Variants in TMPRSS15 observed in about 807,000 individuals in gnomAD.
TMPRSS15 encodes transmembrane serine protease 15.
A neutral mutation model predicts 125.3 loss-of-function variants in TMPRSS15; 128 were observed. The observed-to-expected ratio is 1.02, with a 90% CI of 0.89 to 1.18. The LOEUF (loss-of-function observed/expected upper bound fraction) is 1.18, where lower values mean the gene tolerates loss of function less well. TMPRSS15 is among the 50% of genes most tolerant of loss of function. TMPRSS15 has a pLI of 0.00. For missense variants in TMPRSS15, 1,283 were observed against 1,212.7 expected, an observed-to-expected ratio of 1.06 and a Z score of -0.86; for synonymous variants, 446 against 423.2, an observed-to-expected ratio of 1.05 and a Z score of -0.66.
At chr21:18,415,791 T>C (rs1217711480) in intron 1 of TMPRSS15, among the ~76,000 whole-genome samples, 1 of 152,074 alleles carries the variant, frequency 6.6e-6, no homozygotes, top group Non-Finnish European at 1.5e-5. Context: ...CTGGAAGTCT[T>C]AGCCAGAACC....
chr21:18,379,673 G>A lies in TMPRSS15; in HGVS notation c.497-355C>T, dbSNP rs577492213. Among the ~76,000 whole-genome samples, 9 of 152,232 alleles carry A rather than the reference G, an allele frequency of 5.9e-5. No homozygotes were observed. The South Asian group carries it at 1.7e-3, about 28-fold the overall frequency. On this transcript the variant is annotated intron_variant, in intron 4 of 24. Transcript: ENST00000284885. The stretch of plus-strand genomic sequence containing the variant: ...GGTTAATTTGATGTTATATGAAAGA[G>A]AAGCGTGGGATATGCTTAGACCATG...
intron 16 of TMPRSS15, among the ~76,000 whole-genome samples, chr21:18,317,585 C>T (rs751607516): frequency 5.9e-4 from 90 of 152,204 alleles, no homozygotes; most frequent in Admixed American, 1.5e-3. Context: ...ACTGCATAAC[C>T]ACAAGGACCA....
chr21:18,281,646 T>C (rs1166305834), intron 21 of TMPRSS15, among the ~76,000 whole-genome samples: 7 of 152,212 alleles, frequency 4.6e-5, no homozygotes. Flanking sequence ...ATATAATATA[T>C]GGCTAGGTTG....
chr21:18,274,269 T>C (rs1186937105), intron 24 of TMPRSS15, among the ~76,000 whole-genome samples: 2 of 152,224 alleles, frequency 1.3e-5, no homozygotes, highest in Non-Finnish European at 2.9e-5. Flanking sequence ...CTAAGTCACT[T>C]GCCCAAAGTC....
chr21:18,471,025 T>C (rs1247434604), intron 1 of TMPRSS15, among the ~76,000 whole-genome samples: 1 of 151,998 alleles, frequency 6.6e-6, no homozygotes, highest in Non-Finnish European at 1.5e-5. Flanking sequence ...TTACCCATGA[T>C]AGTTGATATA....
At chr21:18,330,854 T>G (rs565081220) in intron 14 of TMPRSS15, among the ~76,000 whole-genome samples, 31 of 152,092 alleles carry the variant, frequency 2.0e-4, no homozygotes, top group Admixed American at 1.3e-3. Flanking sequence ...GGGCAGATCA[T>G]GAAGTCAGCA....
At chr21:18,317,602 C>G (rs1009995165) in intron 16 of TMPRSS15, among the ~76,000 whole-genome samples, 1 of 152,066 alleles carries the variant, frequency 6.6e-6, no homozygotes, top group Admixed American at 6.6e-5. Flanking sequence ...ACCAGGCTTT[C>G]ATGGGACTAG....
intron 3 of TMPRSS15, among the ~76,000 whole-genome samples, chr21:18,390,593 T>C (rs1026409070): frequency 6.6e-6 from 1 of 152,146 alleles, no homozygotes; most frequent in Non-Finnish European, 1.5e-5. Flanking sequence ...AATTATGCTA[T>C]AGTGTGAGAA....
intron 5 of TMPRSS15, among the ~76,000 whole-genome samples, chr21:18,376,480 AT>A (rs975505506): frequency 3.8e-4 from 58 of 152,158 alleles, no homozygotes; most frequent in Non-Finnish European, 6.5e-4. Flanking sequence ...TTTTGGCCCA[AT>A]TTCATGTTTT....
At chr21:18,317,789 CA>C (rs2075183808) in intron 16 of TMPRSS15, among the ~76,000 whole-genome samples, 1 of 123,716 alleles carries the variant, frequency 8.1e-6, no homozygotes, top group Non-Finnish European at 1.7e-5. Context: ...CATCCCATCC[CA>C]TCCCATCCCA....
chr21:18,440,956 T>G (rs2076240096), intron 1 of TMPRSS15, among the ~76,000 whole-genome samples: 1 of 152,190 alleles, frequency 6.6e-6, no homozygotes, highest in Admixed American at 6.5e-5. Context: ...ATGAGCTATT[T>G]GAACAATTGA....
intron 1 of TMPRSS15, among the ~76,000 whole-genome samples, chr21:18,421,015 C>T (rs962902622): frequency 1.3e-5 from 2 of 152,066 alleles, no homozygotes; most frequent in African/African-American, 4.8e-5. Flanking sequence ...TATATGTACA[C>T]TACATTTCTA....
chr21:18,410,508 C>G (rs1042078211), intron 1 of TMPRSS15, among the ~76,000 whole-genome samples: 1 of 151,766 alleles, frequency 6.6e-6, no homozygotes, highest in African/African-American at 2.4e-5. Context: ...TGTTTTTCTA[C>G]AGACTGCAAA....
chr21:18,296,013 C>T (rs370797870), intron 19 of TMPRSS15, among the ~76,000 whole-genome samples: 2 of 152,110 alleles, frequency 1.3e-5, no homozygotes, highest in East Asian at 3.9e-4. Flanking sequence ...ATTAGCCAGG[C>T]GTGGTGGCGG....
chr21:18,309,061 A>C (rs993343097), intron 18 of TMPRSS15, among the ~76,000 whole-genome samples: 1 of 152,136 alleles, frequency 6.6e-6, no homozygotes, highest in Non-Finnish European at 1.5e-5. Flanking sequence ...ATACGTGTGC[A>C]TGTGTCTTTA....
In TMPRSS15 at chr21:18,344,016, G is replaced by T; in HGVS notation, c.1216C>A (p.Arg406=). Reference sequence around the variant, plus strand: ...AAAGGGAGGCTTAAAAGCCCCACTCGTTCTTGTCTCCCTCCTGGTCCAGTT... The same window carrying T: ...AAAGGGAGGCTTAAAAGCCCCACTCTTTCTTGTCTCCCTCCTGGTCCAGTT... ...TPTGPGGRQE[R]VGLLSLPLDP... Residue 406 remains arginine, a synonymous_variant, in exon 11 of 25, where the codon CGA becomes AGA. Transcript: ENST00000284885. 1 of 1,613,962 alleles carries T rather than the reference G, an allele frequency of 6.2e-7. No homozygotes were observed. Among genetic ancestry groups the T allele is most frequent in the South Asian group, 1.1e-5 (1 of 91,082 alleles).
In TMPRSS15 at chr21:18,296,883, A is replaced by G. The variant is rs111536358; in HGVS notation, c.2261+851T>C. On this transcript the variant is annotated intron_variant, in intron 19 of 24. Coordinates refer to ENST00000284885, the MANE Select transcript of TMPRSS15 (RefSeq NM_002772.3). ...TTTTTGGTACTCAAAATACTCCTTT[A>G]CCATTTTTATTTTTTTACTGGTTAA... 9.7e-3 allele frequency among the ~76,000 whole-genome samples: 1,473 copies of G among 152,278 alleles called. 27 individuals are homozygous for G. Among genetic ancestry groups the G allele is most frequent in the African/African-American group, 0.033 (1,390 of 41,572 alleles).
At chr21:18,279,282 T>C (rs1285919658) in intron 22 of TMPRSS15, among the ~76,000 whole-genome samples, 1 of 148,686 alleles carries the variant, frequency 6.7e-6, no homozygotes, top group Non-Finnish European at 1.5e-5. Flanking sequence ...GGTGGCCCTT[T>C]AGGGTCTTTT....
intron 1 of TMPRSS15, among the ~76,000 whole-genome samples, chr21:18,417,368 A>C (rs558266148): frequency 2.3e-4 from 35 of 152,218 alleles, no homozygotes; most frequent in Admixed American, 5.9e-4. Context: ...GCAAACAAGC[A>C]GGTGCAATTA....
Sources: gnomAD v4.1 joint callset for allele counts (sites outside exome capture counted in the v4.1 genomes callset) on GRCh38, gnomAD v4.1.1 for gene constraint, MANE v1.5 for transcripts, NCBI Gene and HGNC (gene_info 2026-07-23, HGNC 2026-07-21) for gene names.